Variants in ESRP1 observed in about 807,000 individuals in gnomAD.
ESRP1 encodes epithelial splicing regulatory protein 1.
Under a neutral mutation model 81.7 loss-of-function variants are expected in ESRP1, and 33 were observed. That is an observed-to-expected ratio of 0.40 (90% CI 0.31 to 0.54). The LOEUF is 0.54. ESRP1 is among the 20% of genes least tolerant of loss of function. The probability of loss-of-function intolerance (pLI) is 0.41; values close to 1 mark genes in which losing one functional copy is unlikely to be tolerated. For missense variants in ESRP1, 672 were observed against 833.1 expected, an observed-to-expected ratio of 0.81 and a Z score of 2.38; for synonymous variants, 320 against 303.3, an observed-to-expected ratio of 1.06 and a Z score of -0.57.
rs1391718055 is a variant in ESRP1, at chr8:94,641,176, T to C, written c.-143T>C. 1.2e-6 allele frequency: 1 copy of C among 800,798 alleles called. No homozygotes were observed. Among genetic ancestry groups the C allele is most frequent in the Non-Finnish European group, 1.9e-6 (1 of 520,992 alleles). The allele number at this position is 800,798 out of a possible 1,614,324, so 49.6% of individuals were successfully genotyped here. On this transcript the variant is annotated 5_prime_UTR_variant, in exon 1 of 16. Coordinates refer to ENST00000433389, the MANE Select transcript of ESRP1 (RefSeq NM_017697.4). ...GGGCTTGGGTGGTTGGTTACCGCCT[T>C]TTGCACTAGCAGTAGCAAGGAAGGG...
intron 14 of ESRP1, among the ~76,000 whole-genome samples, chr8:94,696,614 T>A (rs779078747): frequency 1.3e-5 from 2 of 152,186 alleles, no homozygotes; most frequent in Non-Finnish European, 1.5e-5. Context: ...GTGTTTTGTA[T>A]GTGTGTGTAA....
intron 13 of ESRP1, among the ~76,000 whole-genome samples, chr8:94,679,595 A>G (rs1351375487): frequency 6.6e-6 from 1 of 152,208 alleles, no homozygotes; most frequent in Non-Finnish European, 1.5e-5. Context: ...CCAAAGGCAG[A>G]AGGAACTGAC....
At chr8:94,652,010 T>TTTTTTG in intron 4 of ESRP1, among the ~76,000 whole-genome samples, 1 of 141,356 alleles carries the variant, frequency 7.1e-6, no homozygotes, top group Non-Finnish European at 1.5e-5. Context: ...TTTTTTTTTT[T>TTTTTTG]GACAGAGTTT....
intron 1 of ESRP1, chr8:94,641,725 G>T: frequency 1.4e-6 from 1 of 724,890 alleles, no homozygotes; most frequent in Non-Finnish European, 2.1e-6. Context: ...CCGAGACGAG[G>T]TGGGGTCTCG....
chr8:94,683,513 A>G (rs1809009734), intron 13 of ESRP1, among the ~76,000 whole-genome samples: 1 of 152,204 alleles, frequency 6.6e-6, no homozygotes, highest in South Asian at 2.1e-4. Context: ...CCCAATGGTA[A>G]CATATGGGAA....
chr8:94,643,170 G>C, intron 2 of ESRP1, 133 bp from the exon 3 acceptor site: 1 of 588,124 alleles, frequency 1.7e-6, no homozygotes. Context: ...GTCTGTCCAA[G>C]GTTGCCCCAG....
chr8:94,705,155 G>GC (rs1655046153), intron 15 of ESRP1, among the ~76,000 whole-genome samples: 1 of 92,978 alleles, frequency 1.1e-5, no homozygotes, highest in Admixed American at 1.5e-4. Context: ...ATGCCTTATT[G>GC]CTTTTTTTTT....
In ESRP1 at chr8:94,706,363, G is replaced by A. The variant is rs1810070366; in HGVS notation, c.*474G>A. 1.3e-5 allele frequency: 2 copies of A among 158,122 alleles called. No individual in the cohort carries two copies. Among genetic ancestry groups the A allele is most frequent in the African/African-American group, 4.8e-5 (2 of 41,618 alleles). The allele number at this position is 158,122 out of a possible 1,614,324, so 9.8% of individuals were successfully genotyped here. On this transcript the variant is annotated 3_prime_UTR_variant, in exon 16 of 16. Coordinates refer to ENST00000433389, the MANE Select transcript of ESRP1 (RefSeq NM_017697.4). ...GTCTTCTGCATAATCATGCCTTCTT[G>A]CTAAGTAATTCAAGCATAAGATCTT...
At chr8:94,653,129 T>C (rs886119195) in intron 4 of ESRP1, among the ~76,000 whole-genome samples, 4 of 104,268 alleles carry the variant, frequency 3.8e-5, no homozygotes, top group African/African-American at 1.5e-4. Context: ...CTAGGGCAAA[T>C]TTCCATTATC....
chr8:94,695,372 T>TTTCC, intron 14 of ESRP1, among the ~76,000 whole-genome samples: 1 of 40,288 alleles, frequency 2.5e-5, no homozygotes, highest in Non-Finnish European at 5.4e-5. Flanking sequence ...TTTTTTTTTT[T>TTTCC]GAGACGGAGT....
chr8:94,670,799 C>G (rs1819278652), intron 10 of ESRP1, among the ~76,000 whole-genome samples: 1 of 152,154 alleles, frequency 6.6e-6, no homozygotes, highest in Non-Finnish European at 1.5e-5. Context: ...TTTGTCTTAC[C>G]ACTGTCTCAA....
chr8:94,697,523 C>A (rs761305623), intron 15 of ESRP1, among the ~76,000 whole-genome samples: 1 of 152,200 alleles, frequency 6.6e-6, no homozygotes, highest in Admixed American at 6.5e-5. Flanking sequence ...CCTTGTAGCA[C>A]GTGTTAATGC....
chr8:94,690,586 A>C (rs573539832), intron 13 of ESRP1, among the ~76,000 whole-genome samples: 42 of 152,304 alleles, frequency 2.8e-4, no homozygotes, highest in African/African-American at 1.0e-3. Context: ...TTTAAGCTTC[A>C]TCAGAATAGA....
intron 15 of ESRP1, among the ~76,000 whole-genome samples, chr8:94,699,915 A>G (rs1444364064): frequency 6.6e-6 from 1 of 151,020 alleles, no homozygotes; most frequent in African/African-American, 2.5e-5. Context: ...ATATTTTTTT[A>G]CCGCCTCCTT....
At position 94,646,304 on chromosome 8, in the gene ESRP1, A is replaced by G. The variant is rs752395863; in HGVS notation, c.490+22A>G. 3.7e-6 allele frequency: 5 copies of G among 1,367,328 alleles called. No homozygotes were observed. The South Asian group carries it at 6.4e-5, about 17-fold the overall frequency. The allele number at this position is 1,367,328 out of a possible 1,614,324, so 84.7% of individuals were successfully genotyped here. A position where few individuals can be genotyped will look rare whatever the true frequency, so the allele number is the denominator to read the frequency against. Reference sequence around the variant, plus strand: ...GAGTGTATCCTTTAAATCATTACTCAAGAATCATTTGAAAAGATAGTTCCA... The same window carrying G: ...GAGTGTATCCTTTAAATCATTACTCGAGAATCATTTGAAAAGATAGTTCCA... On this transcript the variant is annotated intron_variant, in intron 4 of 15. Coordinates refer to ENST00000433389, the MANE Select transcript of ESRP1 (RefSeq NM_017697.4).
chr8:94,678,008 A>T (rs1808711292), intron 12 of ESRP1, among the ~76,000 whole-genome samples, 195 bp from the exon 13 acceptor site: 1 of 152,200 alleles, frequency 6.6e-6, no homozygotes, highest in Admixed American at 6.5e-5. Flanking sequence ...ACTGTTTTTT[A>T]GGTTGACAGG....
intron 9 of ESRP1, among the ~76,000 whole-genome samples, chr8:94,665,656 T>C (rs1818980835): frequency 6.6e-6 from 1 of 152,050 alleles, no homozygotes; most frequent in South Asian, 2.1e-4. Context: ...CATGCCTGGC[T>C]AACTTTTTGT....
chr8:94,643,013 A>G (rs1225222682), intron 2 of ESRP1, among the ~76,000 whole-genome samples: 1 of 152,236 alleles, frequency 6.6e-6, no homozygotes, highest in Non-Finnish European at 1.5e-5. Context: ...CTGCTGATGA[A>G]ATGAGACATC....
intron 15 of ESRP1, among the ~76,000 whole-genome samples, chr8:94,700,937 ATGTGTGTGTGTGTG>A (rs1158857032): frequency 8.0e-6 from 1 of 125,740 alleles, no homozygotes; most frequent in African/African-American, 3.7e-5. Context: ...TCAAAAAAAA[ATGTGTGTGTGTGTG>A]TATGTGTGTG....
Sources: allele counts gnomAD v4.1 joint callset (sites outside exome capture counted in the v4.1 genomes callset), GRCh38; gene constraint gnomAD v4.1.1; transcripts MANE v1.5; gene names NCBI Gene and HGNC (gene_info 2026-07-23, HGNC 2026-07-21).